GAREM1: variants seen among roughly 807,000 people sequenced by gnomAD.
GAREM1 encodes the protein GRB2-associated and regulator of MAPK protein 1.
GAREM1 carries 26 observed loss-of-function variants against 71.3 expected under a neutral mutation model. The ratio of observed to expected loss-of-function variants is 0.36; its 90% CI spans 0.27 to 0.51. GAREM1 has a LOEUF of 0.51. Among genes scored for constraint, GAREM1 ranks in the 20% least tolerant of loss-of-function variants. The pLI, the probability that GAREM1 is intolerant of heterozygous loss-of-function variation, is 0.95. For synonymous variants in GAREM1, 440 were observed against 433.2 expected (o/e 1.02, Z -0.20); for missense variants, 1,026 against 1,103.1 (o/e 0.93, Z 0.99).
At position 32,323,039 on chromosome 18, in the gene GAREM1, T is replaced by C. The variant is rs147152271; in HGVS notation, c.263-12716A>G. ...CAAATACTTATGAGACCACAAAGTC[T>C]TGCAAATTGGTAACATTGATAAAAG... On this transcript the variant is annotated intron_variant, in intron 2 of 5. Coordinates refer to ENST00000269209, the MANE Select transcript of GAREM1 (RefSeq NM_001242409.2). Among the ~76,000 whole-genome samples, 38 of 152,342 alleles carry C rather than the reference T, an allele frequency of 2.5e-4. 1 individual carries two copies. In the East Asian group the frequency reaches 7.1e-3, roughly 29 times the overall value.
At chr18:32,297,959 A>G (rs2047159828) in intron 3 of GAREM1, among the ~76,000 whole-genome samples, 1 of 152,206 alleles carries the variant, frequency 6.6e-6, no homozygotes, top group African/African-American at 2.4e-5. Flanking sequence ...AGAATTAAGA[A>G]ATGATAAGTC....
intron 2 of GAREM1, among the ~76,000 whole-genome samples, chr18:32,363,995 CATATATATATATATATAT>C (rs766095412): frequency 0.013 from 284 of 21,330 alleles, 16 homozygotes; most frequent in East Asian, 0.02. Flanking sequence ...TACATATATA[CATATATATATATATATAT>C]ATATATATAT....
intron 1 of GAREM1, among the ~76,000 whole-genome samples, chr18:32,407,473 T>C (rs2048375866): frequency 6.6e-6 from 1 of 152,116 alleles, no homozygotes; most frequent in African/African-American, 2.4e-5. Context: ...ATAGATTCCT[T>C]AGGATTTTCT....
chr18:32,377,502 A>G (rs2048042325), intron 2 of GAREM1, among the ~76,000 whole-genome samples: 1 of 152,166 alleles, frequency 6.6e-6, no homozygotes, highest in South Asian at 2.1e-4. Context: ...CTTCCCTCTA[A>G]ATGGCCACAT....
At chr18:32,380,684 G>A (rs1156564965) in intron 2 of GAREM1, among the ~76,000 whole-genome samples, 2 of 152,096 alleles carry the variant, frequency 1.3e-5, no homozygotes, top group Non-Finnish European at 2.9e-5. Flanking sequence ...GTCCTGTGCA[G>A]TGCAGGATGT....
At chr18:32,406,247 C>T (rs1445639025) in intron 1 of GAREM1, among the ~76,000 whole-genome samples, 7 of 152,020 alleles carry the variant, frequency 4.6e-5, no homozygotes, top group Admixed American at 4.6e-4. Flanking sequence ...CCAGGCTGGT[C>T]TCAAACTCCT....
At chr18:32,346,540 T>C (rs2047698506) in intron 2 of GAREM1, among the ~76,000 whole-genome samples, 1 of 152,202 alleles carries the variant, frequency 6.6e-6, no homozygotes, top group Admixed American at 6.5e-5. Context: ...GATTGGTTTG[T>C]TTCACACCAC....
At chr18:32,324,517 G>A (rs905583547) in intron 2 of GAREM1, among the ~76,000 whole-genome samples, 3 of 152,158 alleles carry the variant, frequency 2.0e-5, no homozygotes, top group African/African-American at 4.8e-5. Context: ...TGCCAAAACC[G>A]AAGTGATTAA....
At position 32,413,151 on chromosome 18, in the gene GAREM1, T is replaced by C; in HGVS notation, c.122-20116A>G. The C allele has an allele frequency of 3.2e-6, 5 of 1,556,630 alleles. No individual in the cohort carries two copies. The East Asian group carries it at 6.7e-5, about 21-fold the overall frequency. On this transcript the variant is annotated intron_variant, in intron 1 of 5. Coordinates refer to ENST00000269209, the MANE Select transcript of GAREM1 (RefSeq NM_001242409.2). ...GAAGAGCTTCCTCAGCTGTTCGGGC[T>C]CTTTAGGAGACTCTGACTTAGACAT...
intron 2 of GAREM1, among the ~76,000 whole-genome samples, chr18:32,312,612 G>T (rs1317827785): frequency 1.3e-5 from 2 of 152,180 alleles, no homozygotes; most frequent in African/African-American, 2.4e-5. Context: ...AAATAGAGAA[G>T]AGAGATGGAA....
intron 4 of GAREM1, among the ~76,000 whole-genome samples, chr18:32,272,483 C>G (rs911840088): frequency 6.6e-6 from 1 of 152,140 alleles, no homozygotes; most frequent in Non-Finnish European, 1.5e-5. Flanking sequence ...CCACAATAGA[C>G]GCAGGCTTTC....
intron 1 of GAREM1, among the ~76,000 whole-genome samples, chr18:32,426,316 G>A (rs2048575167): frequency 6.6e-6 from 1 of 152,188 alleles, no homozygotes; most frequent in Admixed American, 6.5e-5. Context: ...ACCATGCCCG[G>A]CCTCTTTCTT....
intron 2 of GAREM1, among the ~76,000 whole-genome samples, chr18:32,330,332 G>A (rs1163858407): frequency 2.6e-5 from 4 of 152,152 alleles, no homozygotes; most frequent in Non-Finnish European, 4.4e-5. Flanking sequence ...CAAGATGGCA[G>A]CAATCGACAC....
intron 1 of GAREM1, among the ~76,000 whole-genome samples, chr18:32,449,006 A>T (rs117694542): frequency 3.9e-5 from 6 of 152,212 alleles, no homozygotes; most frequent in Non-Finnish European, 7.3e-5. Context: ...TATGATAAGC[A>T]ATACGAATGG....
chr18:32,269,100 G>C (rs576744347), intron 5 of GAREM1, among the ~76,000 whole-genome samples: 170 of 152,218 alleles, frequency 1.1e-3, no homozygotes, highest in South Asian at 3.1e-3. Flanking sequence ...CAGGTGCCAT[G>C]ATTGATGAAT....
At position 32,438,517 on chromosome 18, in the gene GAREM1, A is replaced by G. The variant is rs182365772; in HGVS notation, c.121+31791T>C. On this transcript the variant is annotated intron_variant, in intron 1 of 5. Coordinates refer to ENST00000269209, the MANE Select transcript of GAREM1 (RefSeq NM_001242409.2). Reference sequence around the variant, plus strand: ...ACAGGAACTAACTGCTGCTGAGGACAGGGGTTAGCGACAATGACAGCCTTC... The same window carrying G: ...ACAGGAACTAACTGCTGCTGAGGACGGGGGTTAGCGACAATGACAGCCTTC... Among the ~76,000 whole-genome samples, 51 of 152,346 alleles carry G rather than the reference A, an allele frequency of 3.3e-4. 1 individual carries two copies. The East Asian group carries it at 9.5e-3, about 28-fold the overall frequency.
intron 1 of GAREM1, among the ~76,000 whole-genome samples, chr18:32,400,922 C>T (rs992044110): frequency 2.0e-5 from 3 of 149,102 alleles, no homozygotes; most frequent in Non-Finnish European, 3.0e-5. Flanking sequence ...TTGGAACCAA[C>T]CCAAATGTCC....
chr18:32,311,038 G>A (rs1332582885), intron 2 of GAREM1, among the ~76,000 whole-genome samples: 3 of 152,160 alleles, frequency 2.0e-5, no homozygotes, highest in African/African-American at 7.2e-5. Flanking sequence ...ATTCATGCGA[G>A]TAGGCCATAT....
At chr18:32,436,990 C>A (rs1015789415) in intron 1 of GAREM1, among the ~76,000 whole-genome samples, 1 of 152,098 alleles carries the variant, frequency 6.6e-6, no homozygotes, top group African/African-American at 2.4e-5. Flanking sequence ...ACATATAAAT[C>A]CCAATCCAGC....
Sources: allele counts gnomAD v4.1 joint callset (sites outside exome capture counted in the v4.1 genomes callset), GRCh38; gene constraint gnomAD v4.1.1; transcripts MANE v1.5; gene names NCBI Gene and HGNC (gene_info 2026-07-23, HGNC 2026-07-21).